POLE4: variants seen among roughly 807,000 people sequenced by gnomAD.
The protein encoded by POLE4 is DNA polymerase epsilon 4, accessory subunit.
Under a neutral mutation model 15.6 loss-of-function variants are expected in POLE4, and 15 were observed. The ratio of observed to expected loss-of-function variants is 0.96; its 90% CI spans 0.64 to 1.48. The LOEUF (loss-of-function observed/expected upper bound fraction) is 1.48. Ranked by LOEUF, POLE4 falls within the 40% of genes most tolerant of loss-of-function variation. The pLI is 0.00. For missense variants in POLE4, 205 were observed against 151.9 expected (o/e 1.35, Z -1.84); for synonymous variants, 83 against 63.2 (o/e 1.31, Z -1.49).
At chr2:74,969,258 A>G in intron 3 of POLE4, 151 bp from the exon 4 acceptor site, 1 of 755,336 alleles carries the variant, frequency 1.3e-6, no homozygotes, top group Non-Finnish European at 2.4e-6. Context: ...CCCTGGGGAT[A>G]TTTTGGATGG....
Position 74,958,747 on chromosome 2 carries a change from C to T in POLE4, c.68C>T (p.Ala23Val), listed in dbSNP as rs1671162889. 1.3e-6 allele frequency: 2 copies of T among 1,528,228 alleles called. No individual in the cohort carries two copies. Among genetic ancestry groups the T allele is most frequent in the South Asian group, 1.2e-5 (1 of 82,186 alleles). 94.7% of individuals were successfully genotyped at this position (1,528,228 alleles called of 1,614,324 possible). Residue 23 changes from alanine to valine, a missense_variant, in exon 1 of 4, where the codon GCG becomes GTG. Transcript: ENST00000483063. ...GAGGAGGGACCTGCTGGGGAGGCAG[C>T]GGCCTCGCAGCCCCAGGCCCCAACG... ...REEEGPAGEAAASQPQAPTSV... is the reference protein window; with the variant it reads ...REEEGPAGEAVASQPQAPTSV...
chr2:74,969,354 C>G, intron 3 of POLE4, 55 bp from the exon 4 acceptor site: 1 of 1,561,030 alleles, frequency 6.4e-7, no homozygotes, highest in Admixed American at 1.7e-5. Context: ...CAGCTTGTTA[C>G]ACTAATCCAG....
At chr2:74,962,217 T>C (rs1409412600) in intron 3 of POLE4, among the ~76,000 whole-genome samples, 1 of 152,222 alleles carries the variant, frequency 6.6e-6, no homozygotes, top group African/African-American at 2.4e-5. Context: ...CTTTACAGTT[T>C]ATATAACATA....
intron 3 of POLE4, among the ~76,000 whole-genome samples, chr2:74,961,831 T>TA (rs1671225006): frequency 6.6e-6 from 1 of 152,254 alleles, no homozygotes; most frequent in Admixed American, 6.5e-5. Flanking sequence ...ATAGCCCCTG[T>TA]GGATTCAGTC....
Position 74,969,370 on chromosome 2 carries a change from G to A in POLE4, c.341-39G>A, listed in dbSNP as rs749660147. 1.9e-5 allele frequency: 31 copies of A among 1,607,862 alleles called. No individual in the cohort carries two copies. The South Asian group carries it at 3.4e-4, about 18-fold the overall frequency. ...AGCTTGTTACACTAATCCAGCTTCT[G>A]AGGTCCCCTGATATACTCATTGCTC... On this transcript the variant is annotated intron_variant, in intron 3 of 3. Coordinates refer to ENST00000483063, the MANE Select transcript of POLE4 (RefSeq NM_019896.4).
chr2:74,967,683 C>A (rs1212141195), intron 3 of POLE4, among the ~76,000 whole-genome samples: 1 of 152,142 alleles, frequency 6.6e-6, no homozygotes, highest in Non-Finnish European at 1.5e-5. Context: ...CCCTATATGC[C>A]TATCTTTGGA....
At chr2:74,962,684 A>T (rs772237560) in intron 3 of POLE4, among the ~76,000 whole-genome samples, 7 of 152,190 alleles carry the variant, frequency 4.6e-5, no homozygotes, top group Non-Finnish European at 8.8e-5. Context: ...CACTCTCGTA[A>T]CCACCATCTT....
At chr2:74,967,381 C>G (rs1671311942) in intron 3 of POLE4, among the ~76,000 whole-genome samples, 1 of 147,390 alleles carries the variant, frequency 6.8e-6, no homozygotes, top group African/African-American at 2.5e-5. Flanking sequence ...CTGTTTGGTT[C>G]CTTTCCAAAT....
At position 74,958,851 on chromosome 2, in the gene POLE4, C is replaced by A; in HGVS notation, c.172C>A (p.Leu58Ile). 1 of 1,561,706 alleles carries A rather than the reference C, an allele frequency of 6.4e-7. No homozygotes were observed. The highest frequency in any genetic ancestry group is 8.7e-7 in the Non-Finnish European group (1 of 1,153,032). Residue 58 changes from leucine to isoleucine, a missense_variant, in exon 1 of 4, where the codon CTA becomes ATA. Coordinates refer to ENST00000483063, the MANE Select transcript of POLE4 (RefSeq NM_019896.4). Reference protein sequence around the residue: ...ALVKADPDVTLAGQEAIFILA... With the variant: ...ALVKADPDVTIAGQEAIFILA... ...GGTGAAGGCAGATCCCGACGTGACG[C>A]TAGCGGGACAGGAAGCCATCTTCAT...
rs781609152 is a variant in POLE4, at chr2:74,958,676, C to T, written c.-4C>T. The T allele has an allele frequency of 2.8e-6, 4 of 1,453,608 alleles. No individual in the cohort carries two copies. The highest frequency in any genetic ancestry group is 2.8e-5 in the South Asian group (2 of 70,558). 90.0% of individuals were successfully genotyped at this position (1,453,608 alleles called of 1,614,324 possible). On this transcript the variant is annotated 5_prime_UTR_variant, in exon 1 of 4. Transcript: ENST00000483063. The stretch of plus-strand genomic sequence containing the variant: ...CGGCCGCGCGCAGCACGCTCAAGGC[C>T]GGGATGGCGGCGGCGGCGGCGGCAG...
At chr2:74,959,015 C>T (rs1671171707) in intron 1 of POLE4, 123 bp downstream of exon 1, 1 of 895,278 alleles carries the variant, frequency 1.1e-6, no homozygotes, top group Non-Finnish European at 1.7e-6. Context: ...GGGCGTGGAC[C>T]CGGAAGGCGG....
At position 74,969,924 on chromosome 2, in the gene POLE4, C is replaced by T. The variant is rs758307043; in HGVS notation, c.*502C>T. On this transcript the variant is annotated 3_prime_UTR_variant, in exon 4 of 4. Coordinates refer to ENST00000483063, the MANE Select transcript of POLE4 (RefSeq NM_019896.4). ...GAATTTATGGAACACCACTTGCCCT[C>T]AGGAGTTCAAATAAATATGGTCCTA... 1 of 155,346 alleles carries T rather than the reference C, an allele frequency of 6.4e-6. No homozygotes were observed. 9.6% of individuals were successfully genotyped at this position (155,346 alleles called of 1,614,324 possible). A position where few individuals can be genotyped will look rare whatever the true frequency, so the allele number is the denominator to read the frequency against.
At chr2:74,963,794 T>C (rs1359366228) in intron 3 of POLE4, among the ~76,000 whole-genome samples, 1 of 152,214 alleles carries the variant, frequency 6.6e-6, no homozygotes, top group Non-Finnish European at 1.5e-5. Flanking sequence ...CCAGCCGTGC[T>C]TGTTATATTT....
intron 3 of POLE4, among the ~76,000 whole-genome samples, chr2:74,967,707 CT>C (rs1351895258): frequency 7.9e-5 from 12 of 152,082 alleles, no homozygotes; most frequent in Admixed American, 7.2e-4. Context: ...TGGTTATTTT[CT>C]TTAAAAAGTA....
chr2:74,967,222 C>G (rs1332473591), intron 3 of POLE4, among the ~76,000 whole-genome samples: 3 of 152,178 alleles, frequency 2.0e-5, no homozygotes, highest in African/African-American at 7.2e-5. Context: ...TGTAAAAACT[C>G]AATCATAATT....
At chr2:74,967,815 T>C (rs1358627145) in intron 3 of POLE4, among the ~76,000 whole-genome samples, 1 of 152,230 alleles carries the variant, frequency 6.6e-6, no homozygotes, top group East Asian at 1.9e-4. Context: ...GTGCAGGACT[T>C]CTGAATCCAG....
intron 3 of POLE4, among the ~76,000 whole-genome samples, chr2:74,965,293 A>G (rs555868441): frequency 9.2e-5 from 14 of 152,094 alleles, no homozygotes; most frequent in African/African-American, 3.1e-4. Flanking sequence ...GGGTTTTGCC[A>G]TGTTGGTCAG....
At chr2:74,960,455 G>GC (rs1053708782) in intron 3 of POLE4, 30 of 471,162 alleles carry the variant, frequency 6.4e-5, no homozygotes, top group South Asian at 3.5e-4. Flanking sequence ...TGTCAGGCTT[G>GC]CCCCCCCTCA....
chr2:74,962,090 G>A (rs909158122), intron 3 of POLE4, among the ~76,000 whole-genome samples: 2 of 152,122 alleles, frequency 1.3e-5, no homozygotes, highest in African/African-American at 4.8e-5. Flanking sequence ...GCTGTAGACG[G>A]TATGTATTGA....
Sources: allele counts gnomAD v4.1 joint callset (sites outside exome capture counted in the v4.1 genomes callset), GRCh38; gene constraint gnomAD v4.1.1; transcripts MANE v1.5; gene names NCBI Gene and HGNC (gene_info 2026-07-23, HGNC 2026-07-21).